Variants in RBFOX3 observed in about 807,000 individuals in gnomAD.
The protein encoded by RBFOX3 is RNA binding protein fox-1 homolog 3.
A neutral mutation model predicts 48.7 loss-of-function variants in RBFOX3; 17 were observed. The observed-to-expected ratio is 0.35, with a 90% CI of 0.24 to 0.52. The LOEUF (loss-of-function observed/expected upper bound fraction) is 0.52, where lower values mean the gene tolerates loss of function less well. Ranked by LOEUF, RBFOX3 falls within the 20% of genes least tolerant of loss-of-function variation. RBFOX3 has a pLI of 0.94. For missense variants in RBFOX3, 382 were observed against 497.5 expected (o/e 0.77, Z 2.21); for synonymous variants, 212 against 209.5 (o/e 1.01, Z -0.10).
At chr17:79,377,420 C>T (rs2059353026) in intron 2 of RBFOX3, among the ~76,000 whole-genome samples, 1 of 152,204 alleles carries the variant, frequency 6.6e-6, no homozygotes, top group Admixed American at 6.5e-5. Context: ...CAGACATGCA[C>T]ACCCACCTGT....
intron 3 of RBFOX3, among the ~76,000 whole-genome samples, chr17:79,259,344 C>A (rs942006953): frequency 6.6e-6 from 1 of 152,206 alleles, no homozygotes; most frequent in Non-Finnish European, 1.5e-5. Context: ...ACCCGCAGCC[C>A]TGTGGCAAGA....
chr17:79,261,001 C>A (rs146233512), intron 3 of RBFOX3, among the ~76,000 whole-genome samples: 1 of 152,148 alleles, frequency 6.6e-6, no homozygotes, highest in African/African-American at 2.4e-5. Flanking sequence ...CCCTCCCTCC[C>A]GTCCTGGGGC....
At chr17:79,434,912 C>A (rs782607181) in intron 2 of RBFOX3, among the ~76,000 whole-genome samples, 3 of 152,176 alleles carry the variant, frequency 2.0e-5, no homozygotes, top group Non-Finnish European at 4.4e-5. Flanking sequence ...CAAAGAATGA[C>A]TGTGCTCCAA....
At chr17:79,144,769 G>T (rs1052433172) in intron 4 of RBFOX3, among the ~76,000 whole-genome samples, 1 of 152,184 alleles carries the variant, frequency 6.6e-6, no homozygotes. Flanking sequence ...CCCCCACTCG[G>T]GCACAGGAAG....
At chr17:79,553,261 A>G (rs2091322247) in intron 1 of RBFOX3, among the ~76,000 whole-genome samples, 1 of 152,238 alleles carries the variant, frequency 6.6e-6, no homozygotes, top group Admixed American at 6.5e-5. Flanking sequence ...TATTAATATG[A>G]TGCATTATAT....
At chr17:79,251,657 G>A (rs997465934) in intron 3 of RBFOX3, among the ~76,000 whole-genome samples, 2 of 152,174 alleles carry the variant, frequency 1.3e-5, no homozygotes, top group Non-Finnish European at 2.9e-5. Context: ...ACTTGATCCT[G>A]GCTCAGAAAC....
chr17:79,619,189 C>T, the RBFOX3 span, among the ~76,000 whole-genome samples: 2 of 152,178 alleles, frequency 1.3e-5, no homozygotes. Flanking sequence ...ACCTCGACAG[C>T]GTCTTCTCTT....
At chr17:79,522,038 C>T (rs2086187124) in intron 1 of RBFOX3, among the ~76,000 whole-genome samples, 1 of 152,200 alleles carries the variant, frequency 6.6e-6, no homozygotes. Context: ...CCGACGGAAT[C>T]TTGGACCAGT....
rs1456028368 is a variant in RBFOX3, at chr17:79,571,348, G to T, written c.-320+39478C>A. On this transcript the variant is annotated intron_variant, in intron 1 of 14. Transcript: ENST00000693108. ...GACCCCTGAGCAGAGCCCTGACCTG[G>T]CCTCTGTCAAGCCTGGCTAGGACAG... Among the ~76,000 whole-genome samples, 26 of 152,270 alleles carry T rather than the reference G, an allele frequency of 1.7e-4. No individual in the cohort carries two copies. The South Asian group carries it at 5.4e-3, about 32-fold the overall frequency.
intron 1 of RBFOX3, among the ~76,000 whole-genome samples, chr17:79,522,645 G>A (rs1397806385): frequency 6.6e-6 from 1 of 152,034 alleles, no homozygotes; most frequent in Admixed American, 6.6e-5. Flanking sequence ...AAGTAAAGAA[G>A]AGGGCTGGGC....
intron 4 of RBFOX3, among the ~76,000 whole-genome samples, chr17:79,142,204 CCT>C (rs1307923194): frequency 7.9e-5 from 12 of 152,242 alleles, no homozygotes; most frequent in African/African-American, 2.9e-4. Context: ...CACAAAACTC[CCT>C]GTGTGCCTTG....
intron 4 of RBFOX3, among the ~76,000 whole-genome samples, chr17:79,149,582 G>A (rs912131157): frequency 2.6e-5 from 4 of 152,080 alleles, no homozygotes; most frequent in African/African-American, 4.8e-5. Context: ...GTCCGTGGAC[G>A]ATTCCTCCTT....
chr17:79,311,951 G>T lies in RBFOX3; in HGVS notation c.-174-4127C>A, dbSNP rs1389904693. Among the ~76,000 whole-genome samples the T allele has an allele frequency of 3.9e-5, 6 of 152,158 alleles. No individual in the cohort carries two copies. ...AACCCAGGTGCCAGCTTCAGCTCGG[G>T]CCTGAAAATCCCTCCCCGTCAGAGC... On this transcript the variant is annotated intron_variant, in intron 2 of 14. Coordinates refer to ENST00000693108, the MANE Select transcript of RBFOX3 (RefSeq NM_001350451.2). This position sits in a 1 kb window ranked among gnomAD's most constrained non-coding sequence, Gnocchi z 4.2.
chr17:79,264,656 C>T (rs1246905029), intron 3 of RBFOX3, among the ~76,000 whole-genome samples: 1 of 152,194 alleles, frequency 6.6e-6, no homozygotes, highest in Non-Finnish European at 1.5e-5. Context: ...CTAGCAAGAG[C>T]AGATTCTCCT....
intron 4 of RBFOX3, among the ~76,000 whole-genome samples, chr17:79,154,987 G>A (rs1048159069): frequency 4.6e-5 from 7 of 150,690 alleles, no homozygotes; most frequent in South Asian, 2.1e-4. Context: ...CAGCCTCGGC[G>A]TCTGAGGAAG....
At position 79,212,007 on chromosome 17, in the gene RBFOX3, G is replaced by C. The variant is rs1224142283; in HGVS notation, c.-34+23759C>G. Reference sequence around the variant, plus strand: ...GCCCAGGAGGTTGTGGCCAGGCCAAGCTCCCGAAAGCTCTGGTCTCCTGGG... The same window carrying C: ...GCCCAGGAGGTTGTGGCCAGGCCAACCTCCCGAAAGCTCTGGTCTCCTGGG... On this transcript the variant is annotated intron_variant, in intron 4 of 14. Coordinates refer to ENST00000693108, the MANE Select transcript of RBFOX3 (RefSeq NM_001350451.2). The surrounding 1 kb of genome is among the most constrained non-coding windows in gnomAD (Gnocchi z 4.7). Among the ~76,000 whole-genome samples the C allele has an allele frequency of 6.6e-6, 1 of 152,198 alleles. No individual in the cohort carries two copies. The highest frequency in any genetic ancestry group is 2.4e-5 in the African/African-American group (1 of 41,454).
intron 2 of RBFOX3, among the ~76,000 whole-genome samples, chr17:79,412,044 T>A (rs1179173265): frequency 6.6e-6 from 1 of 152,052 alleles, no homozygotes; most frequent in African/African-American, 2.4e-5. Flanking sequence ...GTGTGGTGTA[T>A]GTGAGTGTGT....
In RBFOX3 at chr17:79,111,816, T is replaced by C. The variant is rs560219340; in HGVS notation, c.222+3678A>G. The stretch of plus-strand genomic sequence containing the variant: ...ACCTGCGTGACCCCGAGTGAGTGAA[T>C]ACATGCTCCAGATGGTGACCCCTGC... On this transcript the variant is annotated intron_variant, in intron 5 of 14. Coordinates refer to ENST00000693108, the MANE Select transcript of RBFOX3 (RefSeq NM_001350451.2). The surrounding 1 kb of genome is among the most constrained non-coding windows in gnomAD (Gnocchi z 4.2). Among the ~76,000 whole-genome samples, 15 of 152,366 alleles carry C rather than the reference T, an allele frequency of 9.8e-5. No individual in the cohort carries two copies. Among genetic ancestry groups the C allele is most frequent in the Middle Eastern group, 3.4e-3 (1 of 294 alleles).
chr17:79,328,456 G>T (rs1334470860), intron 2 of RBFOX3, among the ~76,000 whole-genome samples: 1 of 152,178 alleles, frequency 6.6e-6, no homozygotes, highest in African/African-American at 2.4e-5. Flanking sequence ...ACACTTGAAG[G>T]TTTTTGGGAG....
Sources: allele counts gnomAD v4.1 joint callset (sites outside exome capture counted in the v4.1 genomes callset), GRCh38; gene constraint gnomAD v4.1.1; non-coding constraint Gnocchi (gnomAD v3.1); transcripts MANE v1.5; gene names NCBI Gene and HGNC (gene_info 2026-07-23, HGNC 2026-07-21).